ERBB4: variants seen among roughly 807,000 people sequenced by gnomAD.
ERBB4 encodes the protein erb-b2 receptor tyrosine kinase 4.
ERBB4 carries 42 observed loss-of-function variants against 158.0 expected under a neutral mutation model. The ratio of observed to expected loss-of-function variants is 0.27; its 90% CI spans 0.21 to 0.34. The LOEUF is 0.34. Ranked by LOEUF, ERBB4 falls within the 10% of genes least tolerant of loss-of-function variation. The pLI is 1.00. For missense variants in ERBB4, 1,333 were observed against 1,624.1 expected, an observed-to-expected ratio of 0.82 and a Z score of 3.08; for synonymous variants, 583 against 558.7, an observed-to-expected ratio of 1.04 and a Z score of -0.61.
chr2:211,532,755 A>T (rs2066536212), intron 20 of ERBB4, among the ~76,000 whole-genome samples: 1 of 151,922 alleles, frequency 6.6e-6, no homozygotes, highest in Non-Finnish European at 1.5e-5. Flanking sequence ...AAAAGGTTCA[A>T]TGACTGACAT....
chr2:211,836,381 C>T (rs1440375269), intron 3 of ERBB4, among the ~76,000 whole-genome samples: 1 of 152,036 alleles, frequency 6.6e-6, no homozygotes, highest in Non-Finnish European at 1.5e-5. Context: ...CCACTTCCTC[C>T]CATGAAGGGT....
At chr2:212,294,802 C>G (rs2086349892) in intron 1 of ERBB4, among the ~76,000 whole-genome samples, 1 of 152,006 alleles carries the variant, frequency 6.6e-6, no homozygotes, top group Non-Finnish European at 1.5e-5. Context: ...TAATACAGCT[C>G]TATTTGCCTA....
intron 1 of ERBB4, among the ~76,000 whole-genome samples, chr2:212,191,508 C>CGTGTTATACATGTTATATATAACACAT (rs2082195862): frequency 1.3e-5 from 1 of 74,998 alleles, no homozygotes; most frequent in Non-Finnish European, 3.0e-5. Context: ...ATATATAACA[C>CGTGTTATACATGTTATATATAACACAT]GTGTTATACA....
At chr2:211,495,009 C>A (rs2125579409) in intron 20 of ERBB4, among the ~76,000 whole-genome samples, 1 of 152,082 alleles carries the variant, frequency 6.6e-6, no homozygotes, top group South Asian at 2.1e-4. Context: ...ACTGAATAAT[C>A]ATATTGTCTA....
chr2:212,181,761 G>A (rs1443232472), intron 1 of ERBB4, among the ~76,000 whole-genome samples: 1 of 151,656 alleles, frequency 6.6e-6, no homozygotes, highest in African/African-American at 2.4e-5. Flanking sequence ...ATACAAACAA[G>A]AGACCCAATT....
chr2:211,560,141 T>G (rs2067345164), intron 20 of ERBB4, among the ~76,000 whole-genome samples: 1 of 152,080 alleles, frequency 6.6e-6, no homozygotes, highest in Admixed American at 6.5e-5. Flanking sequence ...AAGTAGTTTC[T>G]CTTATTAGAG....
intron 1 of ERBB4, among the ~76,000 whole-genome samples, chr2:212,200,328 A>G (rs2082555353): frequency 6.6e-6 from 1 of 152,162 alleles, no homozygotes; most frequent in African/African-American, 2.4e-5. Flanking sequence ...AATAATAAAG[A>G]CTGTATAATA....
At chr2:211,954,923 C>T (rs2080986194) in intron 2 of ERBB4, among the ~76,000 whole-genome samples, 1 of 152,054 alleles carries the variant, frequency 6.6e-6, no homozygotes, top group Non-Finnish European at 1.5e-5. Context: ...TTACACATCC[C>T]TGCTGCTTGT....
At chr2:211,791,661 T>C (rs1273032751) in intron 3 of ERBB4, among the ~76,000 whole-genome samples, 2 of 151,900 alleles carry the variant, frequency 1.3e-5, no homozygotes, top group African/African-American at 2.4e-5. Context: ...AAAGCTGCTA[T>C]GAGTTTTCTT....
chr2:212,417,263 A>C (rs577424287), intron 1 of ERBB4, among the ~76,000 whole-genome samples: 68 of 152,162 alleles, frequency 4.5e-4, no homozygotes, highest in African/African-American at 1.5e-3. Flanking sequence ...ATGAAGCAAT[A>C]TCTATCAGTT....
intron 19 of ERBB4, among the ~76,000 whole-genome samples, chr2:211,603,170 G>A (rs2068853517): frequency 6.6e-6 from 1 of 152,164 alleles, no homozygotes; most frequent in African/African-American, 2.4e-5. Context: ...GGCGGAGGTT[G>A]CAGTGAGCCG....
At chr2:212,059,907 A>G (rs2077707433) in intron 2 of ERBB4, among the ~76,000 whole-genome samples, 1 of 152,220 alleles carries the variant, frequency 6.6e-6, no homozygotes, top group Non-Finnish European at 1.5e-5. Context: ...CTAAAACACC[A>G]AAAGCAATGG....
intron 1 of ERBB4, among the ~76,000 whole-genome samples, chr2:212,327,430 G>A (rs2106282727): frequency 6.6e-6 from 1 of 151,998 alleles, no homozygotes; most frequent in South Asian, 2.1e-4. Flanking sequence ...TGGACTCTGA[G>A]ACTAAGGATA....
intron 1 of ERBB4, among the ~76,000 whole-genome samples, chr2:212,535,767 A>T (rs2106355724): frequency 6.6e-6 from 1 of 152,328 alleles, no homozygotes; most frequent in South Asian, 2.1e-4. Flanking sequence ...TCTAAAAAAC[A>T]TCCTCTCTAA....
At chr2:211,626,965 A>AT (rs2069881243) in intron 17 of ERBB4, among the ~76,000 whole-genome samples, 1 of 48,628 alleles carries the variant, frequency 2.1e-5, no homozygotes, top group African/African-American at 5.8e-5. Context: ...ATAAAAAAAA[A>AT]AAAGTGTGTG....
chr2:212,535,309 A>G (rs4233986), intron 1 of ERBB4, among the ~76,000 whole-genome samples: 34,516 of 152,056 alleles, frequency 0.23, 4,639 homozygotes, highest in African/African-American at 0.38. Context: ...TACAGTAAAC[A>G]CTTGTAAGAA....
At chr2:212,354,731 T>G (rs2089400197) in intron 1 of ERBB4, among the ~76,000 whole-genome samples, 1 of 152,124 alleles carries the variant, frequency 6.6e-6, no homozygotes, top group Admixed American at 6.6e-5. Flanking sequence ...TCATGGTAGC[T>G]TTCATTTACA....
chr2:211,871,859 A>G (rs1223860542), intron 3 of ERBB4, among the ~76,000 whole-genome samples: 2 of 152,118 alleles, frequency 1.3e-5, no homozygotes, highest in East Asian at 3.9e-4. Flanking sequence ...TCAAGAGACT[A>G]TATGTGCTCG....
At chr2:212,386,898 T>C (rs1176517746) in intron 1 of ERBB4, among the ~76,000 whole-genome samples, 7 of 152,130 alleles carry the variant, frequency 4.6e-5, no homozygotes, top group African/African-American at 1.7e-4. Context: ...CCAATGATTT[T>C]GTCTTATTCA....
Sources: allele counts gnomAD v4.1 joint callset (sites outside exome capture counted in the v4.1 genomes callset), GRCh38; gene constraint gnomAD v4.1.1; transcripts MANE v1.5; gene names NCBI Gene and HGNC (gene_info 2026-07-23, HGNC 2026-07-21).